ENPP6: variants seen among roughly 807,000 people sequenced by gnomAD.
The protein encoded by ENPP6 is glycerophosphocholine cholinephosphodiesterase ENPP6.
ENPP6 carries 32 observed loss-of-function variants against 42.0 expected under a neutral mutation model. The observed-to-expected ratio is 0.76, with a 90% CI of 0.58 to 1.02. The LOEUF (loss-of-function observed/expected upper bound fraction) is 1.02, where lower values mean the gene tolerates loss of function less well. ENPP6 is among the 50% of genes least tolerant of loss of function. ENPP6 has a pLI of 0.00. For missense variants in ENPP6, 552 were observed against 566.8 expected, an observed-to-expected ratio of 0.97 and a Z score of 0.27; for synonymous variants, 213 against 216.0, an observed-to-expected ratio of 0.99 and a Z score of 0.12.
rs373178695 is a variant in ENPP6, at chr4:184,124,249, C to T, written c.445G>A (p.Val149Ile). Residue 149 changes from valine to isoleucine, a missense_variant, in exon 3 of 8, where the codon GTC becomes ATC. Coordinates refer to ENST00000296741, the MANE Select transcript of ENPP6 (RefSeq NM_153343.4). ...WPGCEVEILG[V>I]RPTYCLEYKN... ...TATTCTAGGCAGTAGGTGGGTCTGA[C>T]ACCCAGAATCTCAACCTCACAGCCT... The T allele has an allele frequency of 6.2e-7, 1 of 1,613,884 alleles. No individual in the cohort carries two copies. Among genetic ancestry groups the T allele is most frequent in the Non-Finnish European group, 8.5e-7 (1 of 1,179,862 alleles).
chr4:184,112,958 AC>A (rs1221312306), intron 5 of ENPP6, 149 bp from the exon 6 acceptor site: 22 of 943,078 alleles, frequency 2.3e-5, no homozygotes, highest in Non-Finnish European at 3.0e-5. Context: ...AAAACAAAAA[AC>A]TTTTGTCTGT....
At chr4:184,164,917 A>G (rs1181737416) in intron 1 of ENPP6, among the ~76,000 whole-genome samples, 1 of 152,134 alleles carries the variant, frequency 6.6e-6, no homozygotes. Flanking sequence ...ATCTACTAAC[A>G]CTTGTGCAAC....
chr4:184,165,429 C>T (rs544055086), intron 1 of ENPP6, among the ~76,000 whole-genome samples: 9 of 152,170 alleles, frequency 5.9e-5, no homozygotes, highest in African/African-American at 2.4e-5. Context: ...CGCCCTCCCC[C>T]GCACCAGCAC....
Position 184,091,186 on chromosome 4 carries a change from C to A in ENPP6, c.1314G>T (p.Leu438=). The A allele has an allele frequency of 6.4e-7, 1 of 1,555,160 alleles. No individual in the cohort carries two copies. Among genetic ancestry groups the A allele is most frequent in the South Asian group, 1.2e-5 (1 of 82,544 alleles). ...HCALALILLF[L]LA is the part of the protein sequence containing the mutation. The stretch of plus-strand genomic sequence containing the variant: ...CAAGCAATATGATCAGTTATGCAAG[C>A]AGGAAGAGAAGAATCAGTGCCAGGG... The change falls in exon 8 of 8, where the codon CTG becomes CTT. Residue 438 remains leucine (L), a synonymous_variant. Coordinates refer to ENST00000296741, the MANE Select transcript of ENPP6 (RefSeq NM_153343.4).
chr4:184,215,750 G>A (rs1442684296), intron 1 of ENPP6, among the ~76,000 whole-genome samples: 2 of 152,134 alleles, frequency 1.3e-5, no homozygotes, highest in East Asian at 1.9e-4. Flanking sequence ...TGGCTTCCTC[G>A]GGCCAGCCTC....
Position 184,152,310 on chromosome 4 carries a change from C to T in ENPP6, c.421+1244G>A, listed in dbSNP as rs78622153. On this transcript the variant is annotated intron_variant, in intron 2 of 7. Coordinates refer to ENST00000296741, the MANE Select transcript of ENPP6 (RefSeq NM_153343.4). Reference sequence around the variant, plus strand: ...CCACACACCCACCTCTATCCAGCATCCTCCAAACTCCTGCTGAAGGCCCAC... The same window carrying T: ...CCACACACCCACCTCTATCCAGCATTCTCCAAACTCCTGCTGAAGGCCCAC... 2.4e-3 allele frequency among the ~76,000 whole-genome samples: 363 copies of T among 152,278 alleles called. 1 individual carries two copies. Among genetic ancestry groups the T allele is most frequent in the African/African-American group, 8.4e-3 (348 of 41,556 alleles).
In ENPP6 at chr4:184,217,768, G is replaced by A. The variant is rs751232111; in HGVS notation, c.52C>T (p.Gln18Ter). The A allele has an allele frequency of 1.2e-6, 2 of 1,614,046 alleles. No homozygotes were observed. Among genetic ancestry groups the A allele is most frequent in the Non-Finnish European group, 1.7e-6 (2 of 1,180,032 alleles). Reference sequence around the variant, plus strand: ...AGCTTCCGGCGGGCAGAGGCTGGCTGGGCCAGGCCCAGGGCAAGGGCCAGC... The same window carrying A: ...AGCTTCCGGCGGGCAGAGGCTGGCTAGGCCAGGCCCAGGGCAAGGGCCAGC... ...LLLALALGLAQPASARRKLLV... is the reference protein window; with the variant it reads ...LLLALALGLA Residue 18 changes from glutamine to a stop codon, truncating the protein, a stop_gained, in exon 1 of 8, where the codon CAG (glutamine) becomes TAG (stop). Coordinates refer to ENST00000296741, the MANE Select transcript of ENPP6 (RefSeq NM_153343.4). LOFTEE classifies it high-confidence loss of function.
At chr4:184,106,858 T>C (rs1736106455) in intron 6 of ENPP6, among the ~76,000 whole-genome samples, 1 of 152,234 alleles carries the variant, frequency 6.6e-6, no homozygotes, top group African/African-American at 2.4e-5. Flanking sequence ...ACTCAGCACA[T>C]ATCTGCTGGT....
At chr4:184,216,399 G>A (rs1445900271) in intron 1 of ENPP6, among the ~76,000 whole-genome samples, 2 of 152,106 alleles carry the variant, frequency 1.3e-5, no homozygotes, top group Non-Finnish European at 2.9e-5. Flanking sequence ...TTTCTCCGAA[G>A]TATCTCTCCC....
chr4:184,207,263 G>A (rs1174210987), intron 1 of ENPP6, among the ~76,000 whole-genome samples: 1 of 152,130 alleles, frequency 6.6e-6, no homozygotes, highest in African/African-American at 2.4e-5. Context: ...AATGTTTCTG[G>A]GCCACTTTCC....
At chr4:184,148,287 T>C (rs1332757058) in intron 2 of ENPP6, among the ~76,000 whole-genome samples, 1 of 152,182 alleles carries the variant, frequency 6.6e-6, no homozygotes, top group African/African-American at 2.4e-5. Flanking sequence ...GGATTTGCCA[T>C]GATTTGTGAA....
intron 2 of ENPP6, among the ~76,000 whole-genome samples, chr4:184,142,304 C>T (rs769619127): frequency 5.3e-5 from 8 of 152,208 alleles, no homozygotes; most frequent in South Asian, 2.1e-4. Context: ...TTATGTGTTG[C>T]GAGACAGGTG....
intron 1 of ENPP6, among the ~76,000 whole-genome samples, chr4:184,211,849 G>A (rs1264720984): frequency 1.3e-5 from 2 of 151,266 alleles, no homozygotes; most frequent in Non-Finnish European, 2.9e-5. Flanking sequence ...ATAAAATACT[G>A]GCAAAACGAA....
rs1173376187 is a variant in ENPP6, at chr4:184,209,741, C to A, written c.241+7838G>T. Among the ~76,000 whole-genome samples the A allele has an allele frequency of 2.0e-5, 3 of 148,292 alleles. 1 individual carries two copies. Among genetic ancestry groups the A allele is most frequent in the African/African-American group, 5.1e-5 (2 of 39,214 alleles). On this transcript the variant is annotated intron_variant, in intron 1 of 7. Transcript: ENST00000296741. ...GATTCAGGAAATACAGAGAACGCCA[C>A]AAAGATACCCCTCGAGAAGAGCAAC...
At chr4:184,093,640 A>AAATAATAATAATAATAATAAT (rs370411138) in intron 7 of ENPP6, among the ~76,000 whole-genome samples, 2 of 132,462 alleles carry the variant, frequency 1.5e-5, no homozygotes, top group East Asian at 2.2e-4. Context: ...CTCTGTCTCA[A>AAATAATAATAATAATAATAAT]AATAATAATA....
At chr4:184,186,324 C>T (rs993095562) in intron 1 of ENPP6, among the ~76,000 whole-genome samples, 3 of 152,128 alleles carry the variant, frequency 2.0e-5, no homozygotes, top group African/African-American at 7.2e-5. Flanking sequence ...CAAGAGACCA[C>T]AGATTGAATG....
chr4:184,158,182 G>A (rs1001402258), intron 1 of ENPP6, among the ~76,000 whole-genome samples: 1 of 152,212 alleles, frequency 6.6e-6, no homozygotes, highest in African/African-American at 2.4e-5. Flanking sequence ...TTAAGGGAAC[G>A]AATCTTGGAG....
At chr4:184,141,590 C>T (rs1284837394) in intron 2 of ENPP6, among the ~76,000 whole-genome samples, 4 of 152,152 alleles carry the variant, frequency 2.6e-5, no homozygotes, top group Non-Finnish European at 5.9e-5. Context: ...CAGGGAAATG[C>T]CCTTAATTAG....
chr4:184,129,268 A>T (rs4340829), intron 2 of ENPP6, among the ~76,000 whole-genome samples: 13 of 150,030 alleles, frequency 8.7e-5, no homozygotes, highest in East Asian at 5.8e-4. Context: ...GCACTGACGT[A>T]GTACACAAAC....
Sources: allele counts gnomAD v4.1 joint callset (sites outside exome capture counted in the v4.1 genomes callset), GRCh38; gene constraint gnomAD v4.1.1; transcripts MANE v1.5; gene names NCBI Gene and HGNC (gene_info 2026-07-23, HGNC 2026-07-21).